The following SLC22A23 variants were observed in gnomAD, a reference collection of about 807,000 sequenced individuals.
SLC22A23 encodes the protein ion transporter protein.
SLC22A23 carries 26 observed loss-of-function variants against 61.0 expected under a neutral mutation model. The ratio of observed to expected loss-of-function variants is 0.43; its 90% CI spans 0.31 to 0.59. The LOEUF is 0.59. Among genes scored for constraint, SLC22A23 ranks in the 20% least tolerant of loss-of-function variants. The pLI, the probability that SLC22A23 is intolerant of heterozygous loss-of-function variation, is 0.11. For missense variants in SLC22A23, 796 were observed against 934.7 expected (o/e 0.85, Z 1.94); for synonymous variants, 430 against 413.9 (o/e 1.04, Z -0.47).
rs1158423370 is a variant in SLC22A23, at chr6:3,304,985, C to T, written c.1083-6767G>A. 6.6e-6 allele frequency among the ~76,000 whole-genome samples: 1 copy of T among 152,032 alleles called. No individual in the cohort carries two copies. The highest frequency in any genetic ancestry group is 2.4e-5 in the African/African-American group (1 of 41,364). On this transcript the variant is annotated intron_variant, in intron 4 of 9. Coordinates refer to ENST00000406686, the MANE Select transcript of SLC22A23 (RefSeq NM_015482.2). The surrounding 1 kb of genome is among the most constrained non-coding windows in gnomAD (Gnocchi z 4.3). ...GGACTGGAGTGAACTGAAGTAAAGA[C>T]AGCACTCCCCAGGAGATCTGGGCGC...
chr6:3,399,665 T>C (rs1375328858), intron 3 of SLC22A23, among the ~76,000 whole-genome samples: 1 of 152,098 alleles, frequency 6.6e-6, no homozygotes, highest in Non-Finnish European at 1.5e-5. Flanking sequence ...AAGGGAGAGG[T>C]TGCATACAGA....
In SLC22A23 at chr6:3,333,354, G is replaced by A. The variant is rs566907762; in HGVS notation, c.914-9352C>T. Among the ~76,000 whole-genome samples, 15 of 152,146 alleles carry A rather than the reference G, an allele frequency of 9.9e-5. No homozygotes were observed. The East Asian group carries it at 1.7e-3, about 18-fold the overall frequency. On this transcript the variant is annotated intron_variant, in intron 3 of 9. Transcript: ENST00000406686. This position sits in a 1 kb window ranked among gnomAD's most constrained non-coding sequence, Gnocchi z 4.1. ...GGTGATAGCTAATTTCACACCACAC[G>A]TGCCCCTCCAAGGGCTCCTGTTCCA...
At chr6:3,368,514 AC>A (rs1765988026) in intron 3 of SLC22A23, among the ~76,000 whole-genome samples, 2 of 152,262 alleles carry the variant, frequency 1.3e-5, no homozygotes, top group African/African-American at 2.4e-5. Flanking sequence ...ATTCAGAAGT[AC>A]TGCCTTAGAA....
At position 3,330,035 on chromosome 6, in the gene SLC22A23, C is replaced by T. The variant is rs191713529; in HGVS notation, c.914-6033G>A. 9.4e-4 allele frequency among the ~76,000 whole-genome samples: 143 copies of T among 152,324 alleles called. No individual in the cohort carries two copies. The highest frequency in any genetic ancestry group is 3.2e-3 in the African/African-American group (131 of 41,576). ...CCCAAGGGGAAGCCTCTGCGAAGGC[C>T]GACTGGGCCACTAGGACACCGGGGC... On this transcript the variant is annotated intron_variant, in intron 3 of 9. Transcript: ENST00000406686. This position sits in a 1 kb window ranked among gnomAD's most constrained non-coding sequence, Gnocchi z 4.7.
Position 3,406,538 on chromosome 6 carries a change from GTGTGTGTGTGCGCGCA to G in SLC22A23, c.913+3634_913+3649del, listed in dbSNP as rs1407248758. The stretch of plus-strand genomic sequence containing the variant: ...GTTTTTCGACTGCCTGTGTGTGTGT[GTGTGTGTGTGCGCGCA>G]TGTGTGTGTGTGCGTATGTGTGTCC... On this transcript the variant is annotated intron_variant, in intron 3 of 9. Coordinates refer to ENST00000406686, the MANE Select transcript of SLC22A23 (RefSeq NM_015482.2). Among the ~76,000 whole-genome samples, 390 of 55,860 alleles carry G rather than the reference GTGTGTGTGTGCGCGCA, an allele frequency of 7.0e-3. 1 individual carries two copies. Among genetic ancestry groups the G allele is most frequent in the Non-Finnish European group, 0.01 (281 of 27,440 alleles). The allele number at this position is 55,860 out of a possible 152,430, so 36.6% of individuals were successfully genotyped here.
chr6:3,374,981 C>T (rs1038975525), intron 3 of SLC22A23, among the ~76,000 whole-genome samples: 1 of 152,198 alleles, frequency 6.6e-6, no homozygotes, highest in African/African-American at 2.4e-5. Context: ...AGCTCATTAA[C>T]AGTGGCAGGG....
chr6:3,371,562 T>C lies in SLC22A23; in HGVS notation c.913+38626A>G, dbSNP rs1766219208. 2.0e-5 allele frequency among the ~76,000 whole-genome samples: 3 copies of C among 152,216 alleles called. No individual in the cohort carries two copies. In the South Asian group the frequency reaches 6.2e-4, roughly 32 times the overall value. On this transcript the variant is annotated intron_variant, in intron 3 of 9. Transcript: ENST00000406686. Reference sequence around the variant, plus strand: ...TGGATGGACCCTCAGGCCTGCCCCTTACCAGCTCTATGGGTGGAGGGGAAT... The same window carrying C: ...TGGATGGACCCTCAGGCCTGCCCCTCACCAGCTCTATGGGTGGAGGGGAAT...
rs764614667 is a variant in SLC22A23, at chr6:3,437,602, T to A, written c.654+18304A>T. 2.0e-3 allele frequency among the ~76,000 whole-genome samples: 306 copies of A among 151,364 alleles called. 1 individual carries two copies. The highest frequency in any genetic ancestry group is 3.4e-3 in the Non-Finnish European group (229 of 67,858). On this transcript the variant is annotated intron_variant, in intron 1 of 9. Coordinates refer to ENST00000406686, the MANE Select transcript of SLC22A23 (RefSeq NM_015482.2). ...TACTCGGGAGGCTGAGGCAGGAGAATGGCGTGAACCCAGGAGGCGGAGCTT... is the reference window on the plus strand; with the variant it reads ...TACTCGGGAGGCTGAGGCAGGAGAAAGGCGTGAACCCAGGAGGCGGAGCTT...
At chr6:3,349,799 TGGG>T (rs1440679786) in intron 3 of SLC22A23, among the ~76,000 whole-genome samples, 2 of 152,204 alleles carry the variant, frequency 1.3e-5, no homozygotes, top group Non-Finnish European at 2.9e-5. Flanking sequence ...TCATATGAAG[TGGG>T]CAGTGCCTCA....
intron 3 of SLC22A23, among the ~76,000 whole-genome samples, chr6:3,388,884 G>A (rs931985329): frequency 3.3e-5 from 5 of 152,138 alleles, no homozygotes. Flanking sequence ...GAGACAGACA[G>A]CAGAATGGGG....
chr6:3,323,209 AGC>A (rs1763064820), intron 4 of SLC22A23: 1 of 455,946 alleles, frequency 2.2e-6, no homozygotes, highest in African/African-American at 2.0e-5. Flanking sequence ...GGGGTGGGCA[AGC>A]TATTTTTTGT....
chr6:3,445,496 G>T (rs1007705402), intron 1 of SLC22A23, among the ~76,000 whole-genome samples: 2 of 152,088 alleles, frequency 1.3e-5, no homozygotes, highest in Non-Finnish European at 2.9e-5. Flanking sequence ...CACTGTGCCC[G>T]GCCACTCTTG....
rs2127520389 is a variant in SLC22A23, at chr6:3,414,337, T to C, written c.758+1415A>G. ...GAAACCTATGAACTCAAGTATTTGG[T>C]TTAAAAAAATAAACCCTGTGTTGCC... On this transcript the variant is annotated intron_variant, in intron 2 of 9. Transcript: ENST00000406686. The surrounding 1 kb of genome is among the most constrained non-coding windows in gnomAD (Gnocchi z 5.1). Among the ~76,000 whole-genome samples the C allele has an allele frequency of 6.6e-6, 1 of 152,118 alleles. No homozygotes were observed. Among genetic ancestry groups the C allele is most frequent in the African/African-American group, 2.4e-5 (1 of 41,494 alleles).
chr6:3,336,327 G>A (rs2127416235), intron 3 of SLC22A23, among the ~76,000 whole-genome samples: 2 of 152,206 alleles, frequency 1.3e-5, no homozygotes, highest in East Asian at 3.9e-4. Context: ...TGCCATAGTC[G>A]CCTGTGACCA....
At chr6:3,353,849 C>A (rs888888877) in intron 3 of SLC22A23, among the ~76,000 whole-genome samples, 1 of 152,194 alleles carries the variant, frequency 6.6e-6, no homozygotes, top group South Asian at 2.1e-4. Context: ...CAGTGTTTCC[C>A]AGGACCCCAG....
At chr6:3,418,850 C>T (rs1363066049) in intron 1 of SLC22A23, among the ~76,000 whole-genome samples, 1 of 152,222 alleles carries the variant, frequency 6.6e-6, no homozygotes. Flanking sequence ...CGCCGTTTAG[C>T]AGGGTAGGGT....
In SLC22A23 at chr6:3,440,776, C is replaced by T. The variant is rs573300633; in HGVS notation, c.654+15130G>A. On this transcript the variant is annotated intron_variant, in intron 1 of 9. Coordinates refer to ENST00000406686, the MANE Select transcript of SLC22A23 (RefSeq NM_015482.2). The stretch of plus-strand genomic sequence containing the variant: ...ACAGAGGGAAGACTGTGTGAGGACA[C>T]GAAGACAGCCATGTAACAAGCCAAG... Among the ~76,000 whole-genome samples, 18 of 151,958 alleles carry T rather than the reference C, an allele frequency of 1.2e-4. No homozygotes were observed. In the South Asian group the frequency reaches 1.2e-3, roughly 11 times the overall value.
At chr6:3,298,878 A>G (rs1450100498) in intron 4 of SLC22A23, among the ~76,000 whole-genome samples, 18 of 149,528 alleles carry the variant, frequency 1.2e-4, no homozygotes, top group South Asian at 2.1e-4. Context: ...AGGCTGAGGC[A>G]GGAGAATGGT....
chr6:3,341,459 T>TTC (rs149033619), intron 3 of SLC22A23, among the ~76,000 whole-genome samples: 112 of 151,670 alleles, frequency 7.4e-4, no homozygotes, highest in Middle Eastern at 3.4e-3. Context: ...ATGGGTTTTG[T>TTC]TCTCTCTCTC....
Sources: gnomAD v4.1 joint callset for allele counts (sites outside exome capture counted in the v4.1 genomes callset) on GRCh38, gnomAD v4.1.1 for gene constraint, Gnocchi (gnomAD v3.1) non-coding constraint, MANE v1.5 for transcripts, NCBI Gene and HGNC (gene_info 2026-07-23, HGNC 2026-07-21) for gene names.